Variants in SLC9B1 observed in about 807,000 individuals in gnomAD.
SLC9B1 encodes the protein sodium/hydrogen exchanger 9B1.
A neutral mutation model predicts 51.7 loss-of-function variants in SLC9B1; 32 were observed. The ratio of observed to expected loss-of-function variants is 0.62; its 90% confidence interval spans 0.47 to 0.83. The LOEUF is 0.83. Ranked by LOEUF, SLC9B1 falls within the 40% of genes least tolerant of loss-of-function variation. The pLI, the probability that SLC9B1 is intolerant of heterozygous loss-of-function variation, is 0.00. For missense variants in SLC9B1, 406 were observed against 613.2 expected (o/e 0.66, Z 3.57); for synonymous variants, 145 against 212.7 (o/e 0.68, Z 2.77).
At chr4:103,005,926 T>C (rs1250826457) in intron 1 of SLC9B1, among the ~76,000 whole-genome samples, 1 of 152,086 alleles carries the variant, frequency 6.6e-6, no homozygotes, top group Non-Finnish European at 1.5e-5. Context: ...TATAACAGAA[T>C]CTCTGAGACA....
At chr4:102,966,005 C>T (rs1245267452) in intron 3 of SLC9B1, among the ~76,000 whole-genome samples, 1 of 152,272 alleles carries the variant, frequency 6.6e-6, no homozygotes, top group East Asian at 1.9e-4. Flanking sequence ...AGTTTTTATC[C>T]CTAAAGCCTT....
intron 1 of SLC9B1, among the ~76,000 whole-genome samples, chr4:103,000,134 T>C (rs1298537464): frequency 2.0e-5 from 3 of 152,144 alleles, no homozygotes; most frequent in African/African-American, 7.2e-5. Flanking sequence ...ACATGGAAAT[T>C]ACAGGTCTCT....
At chr4:103,001,916 A>C (rs1740543896) in intron 1 of SLC9B1, among the ~76,000 whole-genome samples, 1 of 152,238 alleles carries the variant, frequency 6.6e-6, no homozygotes, top group Non-Finnish European at 1.5e-5. Flanking sequence ...TGCATGGCTT[A>C]GGAGGCCACA....
At chr4:102,941,752 C>A (rs536355877) in intron 6 of SLC9B1, among the ~76,000 whole-genome samples, 1 of 148,062 alleles carries the variant, frequency 6.8e-6, no homozygotes, top group Non-Finnish European at 1.5e-5. Flanking sequence ...TGGAACAAGA[C>A]AAGGATGCCC....
intron 1 of SLC9B1, 98 bp from the exon 2 acceptor site, chr4:102,991,810 T>A (rs1739952567): frequency 1.2e-6 from 1 of 803,508 alleles, no homozygotes; most frequent in Admixed American, 3.3e-5. Context: ...TTAAAGGATT[T>A]TTTGTTCTAA....
intron 3 of SLC9B1, among the ~76,000 whole-genome samples, chr4:102,978,399 T>G (rs1360942019): frequency 6.6e-6 from 1 of 151,826 alleles, no homozygotes; most frequent in African/African-American, 2.4e-5. Flanking sequence ...TGGGAGAAAA[T>G]TTTTGCAATC....
intron 3 of SLC9B1, among the ~76,000 whole-genome samples, chr4:102,983,038 G>A (rs1045508744): frequency 1.3e-5 from 2 of 152,072 alleles, no homozygotes; most frequent in Non-Finnish European, 2.9e-5. Context: ...TAGTTTTTAT[G>A]CAGTTGAGGA....
chr4:102,961,477 T>G (rs1738120513), intron 3 of SLC9B1, among the ~76,000 whole-genome samples: 1 of 152,292 alleles, frequency 6.6e-6, no homozygotes. Context: ...CATTCTGCTA[T>G]TTTTAGCAAG....
chr4:102,945,403 C>CT, intron 5 of SLC9B1, 83 bp from the exon 6 acceptor site: 2 of 1,410,776 alleles, frequency 1.4e-6, no homozygotes, highest in East Asian at 2.4e-5. Context: ...ACTATAAAGT[C>CT]TTTTTTCATA....
intron 6 of SLC9B1, among the ~76,000 whole-genome samples, chr4:102,932,544 C>A (rs1347980722): frequency 1.3e-5 from 2 of 152,102 alleles, no homozygotes; most frequent in Non-Finnish European, 2.9e-5. Flanking sequence ...ATTCCTAAAT[C>A]CTTTGAAGTG....
At chr4:102,909,710 A>T (rs1378507636) in intron 9 of SLC9B1, among the ~76,000 whole-genome samples, 1 of 152,302 alleles carries the variant, frequency 6.6e-6, no homozygotes, top group African/African-American at 2.4e-5. Flanking sequence ...ACTTAAAAAA[A>T]TGTAAGGGGG....
At chr4:102,942,255 C>A (rs931918454) in intron 6 of SLC9B1, among the ~76,000 whole-genome samples, 34 of 152,098 alleles carry the variant, frequency 2.2e-4, no homozygotes, top group Non-Finnish European at 4.0e-4. Context: ...TAGGTAGAAT[C>A]AATATTGTGA....
At chr4:102,922,102 G>C (rs751986570) in intron 7 of SLC9B1, among the ~76,000 whole-genome samples, 1 of 152,060 alleles carries the variant, frequency 6.6e-6, no homozygotes, top group South Asian at 2.1e-4. Context: ...AATCAACAGA[G>C]TATACATTCT....
At chr4:102,923,909 A>C (rs1484777011) in intron 7 of SLC9B1, among the ~76,000 whole-genome samples, 1 of 152,240 alleles carries the variant, frequency 6.6e-6, no homozygotes, top group African/African-American at 2.4e-5. Context: ...ATAAAAGAGG[A>C]CACAAACAAA....
At chr4:103,017,373 A>C (rs1403521176) in intron 1 of SLC9B1, among the ~76,000 whole-genome samples, 1 of 151,982 alleles carries the variant, frequency 6.6e-6, no homozygotes, top group African/African-American at 2.4e-5. Flanking sequence ...ACTCCCTCCA[A>C]CTCACTACTG....
exon 12 of SLC9B1, chr4:102,885,172 C>A (rs749424337): frequency 3.4e-6 from 5 of 1,481,484 alleles, no homozygotes; most frequent in Admixed American, 1.7e-5. Flanking sequence ...ATTTTGAATT[C>A]TTTTCCAAGA....
intron 1 of SLC9B1, 107 bp downstream of exon 1, chr4:103,019,492 G>T (rs988246257): frequency 4.1e-6 from 3 of 723,348 alleles, no homozygotes; most frequent in Admixed American, 1.3e-4. Flanking sequence ...TTGAACTGAG[G>T]GGGAGGAAAG....
chr4:102,932,519 G>T (rs1416536637), intron 6 of SLC9B1, among the ~76,000 whole-genome samples: 1 of 152,166 alleles, frequency 6.6e-6, no homozygotes, highest in Non-Finnish European at 1.5e-5. Flanking sequence ...AACACAGGTT[G>T]CAGCCTCTCC....
chr4:102,905,365 C>T (rs1173818597), intron 11 of SLC9B1, 149 bp downstream of exon 11: 10 of 984,310 alleles, frequency 1.0e-5, no homozygotes, highest in African/African-American at 1.7e-5. Flanking sequence ...GGACTGGTTA[C>T]GTTAATTTTA....
Sources: gnomAD v4.1 joint callset for allele counts (sites outside exome capture counted in the v4.1 genomes callset) on GRCh38, gnomAD v4.1.1 for gene constraint, MANE v1.5 for transcripts, NCBI Gene and HGNC (gene_info 2026-07-23, HGNC 2026-07-21) for gene names.